KALRN: variants seen among roughly 807,000 people sequenced by gnomAD.
KALRN encodes kalirin.
Under a neutral mutation model 353.7 loss-of-function variants are expected in KALRN, and 70 were observed. The ratio of observed to expected loss-of-function variants is 0.20; its 90% CI spans 0.16 to 0.24. The LOEUF (loss-of-function observed/expected upper bound fraction) is 0.24, where lower values mean the gene tolerates loss of function less well. Ranked by LOEUF, KALRN falls within the 10% of genes least tolerant of loss-of-function variation. KALRN has a pLI of 1.00. For synonymous variants in KALRN, 1,391 were observed against 1,434.8 expected (o/e 0.97, Z 0.69); for missense variants, 2,791 against 3,756.7 (o/e 0.74, Z 6.72).
intron 5 of KALRN, among the ~76,000 whole-genome samples, chr3:124,277,378 G>A (rs931389940): frequency 6.6e-6 from 1 of 152,086 alleles, no homozygotes; most frequent in African/African-American, 2.4e-5. Context: ...TCCACCTCCT[G>A]TTGACGGAGC....
At chr3:124,170,831 CTTTTTTTTTTTTTTTTTTTTTTTTTT>C (rs752783614) in intron 1 of KALRN, among the ~76,000 whole-genome samples, 3 of 47,118 alleles carry the variant, frequency 6.4e-5, no homozygotes, top group African/African-American at 1.6e-4. Context: ...CTTCCACATT[CTTTTTTTTTTTTTTTTTTTTTTTTTT>C]TTTTTTTTTT....
chr3:124,566,082 G>A (rs2072774371), intron 34 of KALRN, among the ~76,000 whole-genome samples: 1 of 152,132 alleles, frequency 6.6e-6, no homozygotes, highest in Non-Finnish European at 1.5e-5. Flanking sequence ...TTATTTCCAG[G>A]TTGGTTCCTG....
At chr3:124,444,677 G>A (rs1395348203) in intron 19 of KALRN, among the ~76,000 whole-genome samples, 10 of 151,598 alleles carry the variant, frequency 6.6e-5, no homozygotes, top group Middle Eastern at 3.4e-3. Context: ...GTGTGGTGGC[G>A]TGTGCCTATA....
intron 1 of KALRN, among the ~76,000 whole-genome samples, chr3:124,213,317 C>T (rs972181802): frequency 6.6e-6 from 1 of 152,038 alleles, no homozygotes; most frequent in Non-Finnish European, 1.5e-5. Context: ...TATCTTTCCT[C>T]CATTGTTTTA....
At chr3:124,579,079 A>G (rs1028938466) in intron 34 of KALRN, among the ~76,000 whole-genome samples, 1 of 152,194 alleles carries the variant, frequency 6.6e-6, no homozygotes, top group Non-Finnish European at 1.5e-5. Flanking sequence ...TTTCCTGTCC[A>G]TCTGAAGAGA....
chr3:124,364,403 T>C (rs1240857847), intron 10 of KALRN, among the ~76,000 whole-genome samples: 3 of 152,226 alleles, frequency 2.0e-5, no homozygotes, highest in African/African-American at 7.2e-5. Flanking sequence ...GATTCTGCCC[T>C]TTCCCTGAAG....
intron 1 of KALRN, among the ~76,000 whole-genome samples, chr3:124,061,823 C>T (rs1227087113): frequency 1.3e-5 from 2 of 152,184 alleles, no homozygotes; most frequent in Admixed American, 6.5e-5. Context: ...AGCACTGTAG[C>T]GAGTCCATAC....
chr3:124,227,978 G>T lies in KALRN; in HGVS notation c.74-12G>T. On this transcript the variant is annotated splice_polypyrimidine_tract_variant and intron_variant, in intron 1 of 59. Transcript: ENST00000682506. The stretch of plus-strand genomic sequence containing the variant: ...CTCTCACCCTGATTCCTTCTGGTTT[G>T]TTGTCCCACAGGGTCTTTTCGGAAT... 6.2e-7 allele frequency: 1 copy of T among 1,612,404 alleles called. No homozygotes were observed. Among genetic ancestry groups the T allele is most frequent in the African/African-American group, 1.3e-5 (1 of 75,004 alleles).
chr3:124,432,626 A>G (rs1484672801), intron 16 of KALRN, among the ~76,000 whole-genome samples: 1 of 152,248 alleles, frequency 6.6e-6, no homozygotes, highest in Non-Finnish European at 1.5e-5. Flanking sequence ...ACCAAGTGTC[A>G]TAACACACTT....
At chr3:124,366,779 C>T (rs932585401) in intron 10 of KALRN, among the ~76,000 whole-genome samples, 9 of 148,138 alleles carry the variant, frequency 6.1e-5, no homozygotes, top group Admixed American at 1.4e-4. Context: ...CAGTAAGGGC[C>T]GCCGGGCAGA....
intron 29 of KALRN, among the ~76,000 whole-genome samples, chr3:124,489,211 G>T (rs1226021957): frequency 6.6e-6 from 1 of 152,146 alleles, no homozygotes; most frequent in Non-Finnish European, 1.5e-5. Flanking sequence ...GGAGGCTGAG[G>T]TGTGAGAATC....
chr3:124,563,168 G>T (rs1200328146), intron 34 of KALRN, 79 bp downstream of exon 34: 57 of 1,295,294 alleles, frequency 4.4e-5, no homozygotes, highest in Non-Finnish European at 5.6e-5. Context: ...AGACCACCAT[G>T]GAAGTGACCT....
chr3:124,451,096 A>G (rs1349943894), intron 21 of KALRN, among the ~76,000 whole-genome samples: 1 of 152,188 alleles, frequency 6.6e-6, no homozygotes, highest in East Asian at 1.9e-4. Flanking sequence ...CAATAATGAA[A>G]GGCAAATATA....
chr3:124,295,563 C>T (rs754388678), intron 5 of KALRN, among the ~76,000 whole-genome samples: 1 of 152,124 alleles, frequency 6.6e-6, no homozygotes, highest in Admixed American at 6.6e-5. Flanking sequence ...CATTCTGGTG[C>T]CAGCACATAA....
intron 2 of KALRN, among the ~76,000 whole-genome samples, chr3:124,230,606 G>T (rs1042208734): frequency 6.6e-5 from 10 of 152,142 alleles, no homozygotes; most frequent in African/African-American, 2.2e-4. Context: ...AATGAGGCAG[G>T]TAGAAAATTC....
intron 1 of KALRN, among the ~76,000 whole-genome samples, chr3:124,124,607 G>A (rs1249385435): frequency 4.6e-5 from 7 of 152,168 alleles, no homozygotes; most frequent in Non-Finnish European, 1.0e-4. Flanking sequence ...TTTAATGAAA[G>A]GAAGAGTCAA....
rs184141753 is a variant in KALRN at position 124,080,262 on chromosome 3, T to A, written c.73+46449T>A. ...TTTCCCACACTGTAAAACTTTTTTT[T>A]AAAAAGCTAAAAGCAAGGCTGTACT... is the stretch of plus-strand genomic sequence containing the variant. On this transcript the variant is annotated intron_variant, in intron 1 of 59. Transcript: ENST00000682506. 3.5e-4 allele frequency among the ~76,000 whole-genome samples: 53 copies of A among 152,294 alleles called. No individual in the cohort carries two copies. In the East Asian group the frequency reaches 5.4e-3, roughly 16 times the overall value.
intron 16 of KALRN, among the ~76,000 whole-genome samples, chr3:124,432,090 A>G (rs1014793293): frequency 1.3e-5 from 2 of 152,144 alleles, no homozygotes; most frequent in African/African-American, 4.8e-5. Flanking sequence ...ATTCACTATA[A>G]AGAAAAAATC....
intron 52 of KALRN, 68 bp downstream of exon 52, chr3:124,693,899 TA>T: frequency 9.1e-7 from 1 of 1,102,128 alleles, no homozygotes; most frequent in Non-Finnish European, 1.3e-6. Flanking sequence ...AATCCAGCAC[TA>T]AAGCACTGGC....
Sources: allele counts gnomAD v4.1 joint callset (sites outside exome capture counted in the v4.1 genomes callset), GRCh38; gene constraint gnomAD v4.1.1; transcripts MANE v1.5; gene names NCBI Gene and HGNC (gene_info 2026-07-23, HGNC 2026-07-21).